The following CCDC170 variants were observed in gnomAD, a reference collection of about 807,000 sequenced individuals.
CCDC170 encodes coiled-coil domain-containing protein 170.
Under a neutral mutation model 72.6 loss-of-function variants are expected in CCDC170, and 69 were observed. The observed-to-expected ratio is 0.95, with a 90% CI of 0.78 to 1.16. CCDC170 has a LOEUF of 1.16. CCDC170 is among the 50% of genes most tolerant of loss of function. CCDC170 has a pLI of 0.00. For missense variants in CCDC170, 852 were observed against 832.5 expected, an observed-to-expected ratio of 1.02 and a Z score of -0.29; for synonymous variants, 300 against 303.9, an observed-to-expected ratio of 0.99 and a Z score of 0.13.
chr6:151,590,169 C>T lies in CCDC170; in HGVS notation c.1294-2938C>T, dbSNP rs536055878. ...CTCCAAGCAACATGCATCTGCCTCT[C>T]TCATGGTACTTTTTACCATTATTGG... On this transcript the variant is annotated intron_variant, in intron 7 of 10. Transcript: ENST00000239374. Among the ~76,000 whole-genome samples, 4 of 152,334 alleles carry T rather than the reference C, an allele frequency of 2.6e-5. No homozygotes were observed. In the South Asian group the frequency reaches 6.2e-4, roughly 24 times the overall value.
At chr6:151,548,562 G>A (rs1782817588) in intron 5 of CCDC170, 73 bp downstream of exon 5, 2 of 1,344,654 alleles carry the variant, frequency 1.5e-6, no homozygotes, top group African/African-American at 2.9e-5. Context: ...ATGGATGTCA[G>A]ATAAGTGCCC....
At chr6:151,524,398 C>T (rs1782370967) in intron 1 of CCDC170, among the ~76,000 whole-genome samples, 1 of 152,140 alleles carries the variant, frequency 6.6e-6, no homozygotes, top group South Asian at 2.1e-4. Flanking sequence ...TGCAGGGGTC[C>T]AAGTTCAGGA....
chr6:151,579,231 T>TGGTCTGACCCTATTA (rs1234852552), intron 6 of CCDC170, among the ~76,000 whole-genome samples: 2 of 152,134 alleles, frequency 1.3e-5, no homozygotes, highest in African/African-American at 2.4e-5. Context: ...GTTTAGACTT[T>TGGTCTGACCCTATTA]TTGGTGTGAA....
chr6:151,517,932 T>TG, intron 1 of CCDC170, among the ~76,000 whole-genome samples: 1 of 152,086 alleles, frequency 6.6e-6, no homozygotes, highest in African/African-American at 2.4e-5. Flanking sequence ...TTTTTTTTTT[T>TG]CATTCTTTCT....
intron 3 of CCDC170, among the ~76,000 whole-genome samples, chr6:151,542,736 T>C (rs537242841): frequency 1.3e-5 from 2 of 152,160 alleles, no homozygotes; most frequent in Non-Finnish European, 2.9e-5. Flanking sequence ...GTCAAGTGAA[T>C]TGCAAATAGA....
chr6:151,593,278 A>G lies in CCDC170; in HGVS notation c.1465A>G (p.Lys489Glu), dbSNP rs755843527. The G allele has an allele frequency of 6.8e-6, 11 of 1,611,814 alleles. No homozygotes were observed. The East Asian group carries it at 2.5e-4, about 36-fold the overall frequency. The part of the protein sequence containing the change: ...NKTIAHNLQR[K>E]LKTQKERLES... ...GACCATTGCCCACAATTTGCAGAGA[A>G]AGGTAGGAGATATTGAAACTTGCTA... The change falls in exon 8 of 11, where the codon AAG becomes GAG. Residue 489 changes from lysine to glutamate, a missense_variant and splice_region_variant. Coordinates refer to ENST00000239374, the MANE Select transcript of CCDC170 (RefSeq NM_025059.4).
At chr6:151,541,453 G>A (rs1782689169) in intron 3 of CCDC170, among the ~76,000 whole-genome samples, 1 of 152,100 alleles carries the variant, frequency 6.6e-6, no homozygotes, top group Admixed American at 6.6e-5. Context: ...CTGGGTTCAA[G>A]TGATCCTCTC....
chr6:151,591,153 G>A (rs772234575), intron 7 of CCDC170, among the ~76,000 whole-genome samples: 17 of 152,120 alleles, frequency 1.1e-4, no homozygotes, highest in Non-Finnish European at 2.2e-4. Context: ...CTAGTTCTGG[G>A]CTTTAATCTG....
At chr6:151,557,701 T>A (rs1449675193) in intron 5 of CCDC170, among the ~76,000 whole-genome samples, 2 of 152,234 alleles carry the variant, frequency 1.3e-5, no homozygotes, top group African/African-American at 2.4e-5. Context: ...TGCGAGCATC[T>A]GTTATGTTTG....
At chr6:151,550,348 G>A (rs577388969) in intron 5 of CCDC170, among the ~76,000 whole-genome samples, 2 of 152,332 alleles carry the variant, frequency 1.3e-5, no homozygotes, top group East Asian at 3.9e-4. Context: ...TGGCCCACAG[G>A]CTGAGGAGGG....
At chr6:151,560,635 G>T (rs73783067) in intron 5 of CCDC170, among the ~76,000 whole-genome samples, 3,339 of 152,062 alleles carry the variant, frequency 0.022, 111 homozygotes, top group African/African-American at 0.076. Flanking sequence ...TATAAATCTG[G>T]GTGCTCTGAA....
intron 1 of CCDC170, among the ~76,000 whole-genome samples, chr6:151,522,486 C>T (rs1317573140): frequency 6.6e-6 from 1 of 152,160 alleles, no homozygotes; most frequent in African/African-American, 2.4e-5. Context: ...TTCCAATTAC[C>T]TGCTACCTGC....
chr6:151,508,911 G>A (rs1583002283), intron 1 of CCDC170, among the ~76,000 whole-genome samples: 1 of 150,864 alleles, frequency 6.6e-6, no homozygotes, highest in East Asian at 2.0e-4. Flanking sequence ...GCTACTTGGA[G>A]GGCTGAGGCA....
chr6:151,572,649 G>GGTTTTTTTTTTTTTTTTTTTTT (rs1776234680), intron 5 of CCDC170, among the ~76,000 whole-genome samples: 5 of 37,986 alleles, frequency 1.3e-4, no homozygotes, highest in African/African-American at 6.1e-4. Context: ...CCTTCTCTGT[G>GGTTTTTTTTTTTTTTTTTTTTT]TTTTTTTTTT....
At chr6:151,528,104 A>G (rs1323712804) in intron 1 of CCDC170, among the ~76,000 whole-genome samples, 1 of 152,192 alleles carries the variant, frequency 6.6e-6, no homozygotes, top group Non-Finnish European at 1.5e-5. Context: ...TCATTATCAT[A>G]ATAATATCAG....
At chr6:151,576,180 C>G (rs1776299604) in intron 6 of CCDC170, among the ~76,000 whole-genome samples, 1 of 152,130 alleles carries the variant, frequency 6.6e-6, no homozygotes, top group African/African-American at 2.4e-5. Flanking sequence ...TTACATGAGA[C>G]TTTCAATACT....
At chr6:151,549,197 G>A (rs769635289) in intron 5 of CCDC170, among the ~76,000 whole-genome samples, 20 of 151,938 alleles carry the variant, frequency 1.3e-4, no homozygotes, top group South Asian at 6.2e-4. Flanking sequence ...GAGCCACCAC[G>A]GCCGGTCTAA....
chr6:151,600,882 A>G (rs960782279), intron 9 of CCDC170, among the ~76,000 whole-genome samples: 1 of 152,122 alleles, frequency 6.6e-6, no homozygotes. Context: ...TCCCACACCC[A>G]TCCACAGTCA....
chr6:151,532,235 C>T (rs778289821), intron 1 of CCDC170, among the ~76,000 whole-genome samples: 1 of 151,564 alleles, frequency 6.6e-6, no homozygotes, highest in Non-Finnish European at 1.5e-5. Flanking sequence ...ATAAGTAGAC[C>T]CCATTTACAA....
Sources: gnomAD v4.1 joint callset for allele counts (sites outside exome capture counted in the v4.1 genomes callset) on GRCh38, gnomAD v4.1.1 for gene constraint, MANE v1.5 for transcripts, NCBI Gene and HGNC (gene_info 2026-07-23, HGNC 2026-07-21) for gene names.